Variants in ABCC10 observed in about 807,000 individuals in gnomAD.
The protein encoded by ABCC10 is ATP binding cassette subfamily C member 10, also known as ATP-binding cassette sub-family C member 10.
Under a neutral mutation model 143.2 loss-of-function variants are expected in ABCC10, and 110 were observed. The ratio of observed to expected loss-of-function variants is 0.77; its 90% confidence interval spans 0.66 to 0.90. The LOEUF is 0.90. ABCC10 is among the 40% of genes least tolerant of loss of function. The pLI is 0.00. For missense variants in ABCC10, 1,700 were observed against 1,900.5 expected (o/e 0.89, Z 1.96); for synonymous variants, 805 against 846.7 (o/e 0.95, Z 0.85).
rs764529513 is a variant in ABCC10 at position 43,444,894 on chromosome 6, GCTCTTCT to G, written c.2800_2806del (p.Phe934ArgfsTer42). Reference sequence around the variant, plus strand: ...CCTCCACCAGCCCAGCTTCTATGGGGCTCTTCTCTCCGCAGCTGCTCCTCTTTTCCCC... The same window carrying G: ...CCTCCACCAGCCCAGCTTCTATGGGGCTCCGCAGCTGCTCCTCTTTTCCCC... On this transcript the variant is annotated frameshift_variant, in exon 13 of 22. Coordinates refer to ENST00000372530, the MANE Select transcript of ABCC10 (RefSeq NM_001198934.2). LOFTEE classifies it high-confidence loss of function. 2 of 1,613,862 alleles carry G rather than the reference GCTCTTCT, an allele frequency of 1.2e-6. No homozygotes were observed. The highest frequency in any genetic ancestry group is 1.7e-6 in the Non-Finnish European group (2 of 1,179,926).
intron 18 of ABCC10, 121 bp from the exon 19 acceptor site, chr6:43,448,760 G>T: frequency 8.0e-7 from 1 of 1,252,860 alleles, no homozygotes; most frequent in Admixed American, 2.5e-5. Flanking sequence ...AGCAGAGTGG[G>T]GTTATGTTCA....
At chr6:43,428,779 T>C (rs1780779683) in intron 2 of ABCC10, among the ~76,000 whole-genome samples, 1 of 152,232 alleles carries the variant, frequency 6.6e-6, no homozygotes, top group African/African-American at 2.4e-5. Flanking sequence ...CGGTGTGGTC[T>C]CTGCCTTTGG....
At position 43,437,957 on chromosome 6, in the gene ABCC10, G is replaced by A. The variant is rs780826166; in HGVS notation, c.1899G>A (p.Gly633=). Residue 633 remains glycine, a synonymous_variant, in exon 7 of 22, where the codon GGG becomes GGA. Coordinates refer to ENST00000372530, the MANE Select transcript of ABCC10 (RefSeq NM_001198934.2). ...VKKGMLVGIV[G]KVGCGKSSLL... ...AGGGTATGCTGGTGGGCATCGTGGG[G>A]AAGGTCGGCTGTGGGAAGAGCTCCC... 6 of 1,613,354 alleles carry A rather than the reference G, an allele frequency of 3.7e-6. No homozygotes were observed. The highest frequency in any genetic ancestry group is 2.2e-5 in the East Asian group (1 of 44,884).
rs575749921 is a variant in ABCC10 at position 43,442,008 on chromosome 6, A to G, written c.2226+48A>G. 18 of 1,550,806 alleles carry G rather than the reference A, an allele frequency of 1.2e-5. 1 individual carries two copies. In the South Asian group the frequency reaches 1.9e-4, roughly 16 times the overall value. ...AGTGGCAGGGAGGTGGGGGGAGTCC[A>G]GAGCCTTGGGAACTTGGCTGAGTTA... On this transcript the variant is annotated intron_variant, in intron 9 of 21. Transcript: ENST00000372530.
chr6:43,439,372 G>A (rs1304496727), intron 8 of ABCC10, among the ~76,000 whole-genome samples: 5 of 151,594 alleles, frequency 3.3e-5, no homozygotes, highest in Non-Finnish European at 7.4e-5. Flanking sequence ...GTATCCAGCT[G>A]TCATTCTTTT....
chr6:43,429,240 G>A (rs1222632072), intron 2 of ABCC10, among the ~76,000 whole-genome samples: 2 of 34,296 alleles, frequency 5.8e-5, no homozygotes, highest in Non-Finnish European at 1.4e-4. Context: ...GGGGTGATGA[G>A]GCTGGTTGAT....
In ABCC10 at chr6:43,446,460, C is replaced by T. The variant is rs1191783464; in HGVS notation, c.3544+14C>T. The T allele has an allele frequency of 6.2e-7, 1 of 1,605,234 alleles. No homozygotes were observed. Reference sequence around the variant, plus strand: ...TCGCTAACCCAGGTGCCACCCAGGACCCCTCACCCCTACCTCATCCACAAG... The same window carrying T: ...TCGCTAACCCAGGTGCCACCCAGGATCCCTCACCCCTACCTCATCCACAAG... On this transcript the variant is annotated intron_variant, in intron 16 of 21. Transcript: ENST00000372530.
chr6:43,435,633 A>T, intron 4 of ABCC10, 118 bp from the exon 5 acceptor site: 1 of 1,248,696 alleles, frequency 8.0e-7, no homozygotes, highest in Non-Finnish European at 1.1e-6. Flanking sequence ...TTGGCCAGCC[A>T]GCCCTTCAGT....
chr6:43,447,602 A>T, intron 17 of ABCC10, 82 bp from the exon 18 acceptor site: 1 of 1,581,262 alleles, frequency 6.3e-7, no homozygotes, highest in Non-Finnish European at 8.6e-7. Context: ...TCCATTTCTC[A>T]TTATTCTCCC....
In ABCC10 at chr6:43,447,695, C is replaced by G; in HGVS notation, c.3717C>G (p.Gly1239=). The G allele has an allele frequency of 2.5e-6, 4 of 1,614,106 alleles. No homozygotes were observed. Among genetic ancestry groups the G allele is most frequent in the Non-Finnish European group, 2.5e-6 (3 of 1,180,000 alleles). The stretch of plus-strand genomic sequence containing the variant: ...ATGGACCCCACCAGCTGGGCACCGG[C>G]TGGCTGACCCAGGGGGGCGTGGAGT... ...PQGQPLQLGT[G]WLTQGGVEFQ... The change falls in exon 18 of 22, where the codon GGC becomes GGG. Residue 1239 remains glycine (G), a synonymous_variant. Coordinates refer to ENST00000372530, the MANE Select transcript of ABCC10 (RefSeq NM_001198934.2).
At chr6:43,441,824 G>T in intron 8 of ABCC10, 38 bp from the exon 9 acceptor site, 1 of 1,557,538 alleles carries the variant, frequency 6.4e-7, no homozygotes. Flanking sequence ...AGAAGGTAAT[G>T]GGAGCTCCCT....
chr6:43,429,638 C>A (rs1268100811), intron 2 of ABCC10, among the ~76,000 whole-genome samples: 1 of 152,158 alleles, frequency 6.6e-6, no homozygotes, highest in Non-Finnish European at 1.5e-5. Context: ...GGTGCAGTGG[C>A]TCAAGCCTGT....
In ABCC10 at chr6:43,432,959, G is replaced by T. The variant is rs1781296610; in HGVS notation, c.979G>T (p.Ala327Ser). 3 of 1,614,208 alleles carry T rather than the reference G, an allele frequency of 1.9e-6. No individual in the cohort carries two copies. Among genetic ancestry groups the T allele is most frequent in the Non-Finnish European group, 2.5e-6 (3 of 1,180,038 alleles). ...GCCACTAAGCCACGGCCTGCTCTAT[G>T]CTCTGGGGCTAGCCGGTGGGGCTGT... Reference protein sequence around the residue: ...QEPLSHGLLYALGLAGGAVLG... With the variant: ...QEPLSHGLLYSLGLAGGAVLG... The change falls in exon 3 of 22, where the codon GCT becomes TCT. Residue 327 changes from alanine (A) to serine (S), a missense_variant. Ala to Ser is a moderately conservative substitution (Grantham distance 99, BLOSUM62 1). Coordinates refer to ENST00000372530, the MANE Select transcript of ABCC10 (RefSeq NM_001198934.2).
chr6:43,449,998 C>T lies in ABCC10; in HGVS notation c.4386C>T (p.Ser1462=), dbSNP rs780753258. The change falls in exon 22 of 22, where the codon TCC becomes TCT. Residue 1462 remains serine, a synonymous_variant. Transcript: ENST00000372530. ...LQAGRVVELD[S]PATLRNQPHS... is the part of the protein sequence containing the mutation. Reference sequence around the variant, plus strand: ...CGGGGAGAGTGGTAGAGCTGGACTCCCCGGCCACCCTGCGCAACCAGCCCC... The same window carrying T: ...CGGGGAGAGTGGTAGAGCTGGACTCTCCGGCCACCCTGCGCAACCAGCCCC... 1.2e-6 allele frequency: 2 copies of T among 1,613,800 alleles called. No individual in the cohort carries two copies. Among genetic ancestry groups the T allele is most frequent in the Non-Finnish European group, 1.7e-6 (2 of 1,179,968 alleles).
Position 43,447,909 on chromosome 6 carries a change from A to G in ABCC10, c.3931A>G (p.Thr1311Ala), listed in dbSNP as rs1429227778. ...GCGAGTGCTGCTGGACGGCGTGGAC[A>G]CCAGCCAGCTGGAGCTGGCCCAGCT... ...SGRVLLDGVD[T>A]SQLELAQLRS... Residue 1311 changes from threonine (T) to alanine (A), a missense_variant, in exon 18 of 22, where the codon ACC becomes GCC. Physicochemically the swap from Thr to Ala is moderately conservative, Grantham distance 58. Coordinates refer to ENST00000372530, the MANE Select transcript of ABCC10 (RefSeq NM_001198934.2). 2 of 1,613,566 alleles carry G rather than the reference A, an allele frequency of 1.2e-6. No individual in the cohort carries two copies. The highest frequency in any genetic ancestry group is 1.1e-5 in the South Asian group (1 of 91,074).
chr6:43,434,327 C>CA (rs1781458036), intron 3 of ABCC10, among the ~76,000 whole-genome samples: 1 of 152,240 alleles, frequency 6.6e-6, no homozygotes, highest in Admixed American at 6.5e-5. Flanking sequence ...CCTGGCTCCA[C>CA]CTTCCACCAC....
At chr6:43,450,760 C>T (rs1581808443), downstream of ABCC10, 5 of 1,614,234 alleles carry the variant, frequency 3.1e-6, no homozygotes, top group East Asian at 1.1e-4. The surrounding 1 kb of genome is among the most constrained non-coding windows in gnomAD (Gnocchi z 4.5). Flanking sequence ...CCAAACACCA[C>T]CAGGGCCACC....
chr6:43,448,776 CAT>C (rs1239995202), intron 18 of ABCC10, 103 bp from the exon 19 acceptor site: 3 of 1,411,034 alleles, frequency 2.1e-6, no homozygotes, highest in African/African-American at 2.9e-5. Context: ...GTTCAGGTCT[CAT>C]ACCCAGGCTT....
In ABCC10 at chr6:43,432,870, T is replaced by C. The variant is rs756843484; in HGVS notation, c.890T>C (p.Met297Thr). The C allele has an allele frequency of 6.2e-7, 1 of 1,614,048 alleles. No individual in the cohort carries two copies. The highest frequency in any genetic ancestry group is 8.5e-7 in the Non-Finnish European group (1 of 1,179,998). ...ALGLLKLVGTMLGFSGPLLLS... is the reference protein window; with the variant it reads ...ALGLLKLVGTTLGFSGPLLLS... The stretch of plus-strand genomic sequence containing the variant: ...GGACTGCTGAAGCTGGTGGGGACCA[T>C]GTTGGGATTCTCAGGGCCCCTGTTG... Residue 297 changes from methionine to threonine, a missense_variant, in exon 3 of 22, where the codon ATG becomes ACG. Transcript: ENST00000372530.
Sources: allele counts gnomAD v4.1 joint callset (sites outside exome capture counted in the v4.1 genomes callset), GRCh38; gene constraint gnomAD v4.1.1; non-coding constraint Gnocchi (gnomAD v3.1); transcripts MANE v1.5; gene names NCBI Gene and HGNC (gene_info 2026-07-23, HGNC 2026-07-21).